TMEM196: variants seen among roughly 807,000 people sequenced by gnomAD.
TMEM196 encodes transmembrane protein 196.
In TMEM196, 17 loss-of-function variants were observed where a neutral mutation model predicts 20.0. That is an observed-to-expected ratio of 0.85 (90% CI 0.58 to 1.27). The LOEUF is 1.27. TMEM196 is among the 50% of genes most tolerant of loss of function. The probability of loss-of-function intolerance (pLI) is 0.00; values close to 1 mark genes in which losing one functional copy is unlikely to be tolerated. For missense variants in TMEM196, 267 were observed against 223.0 expected (o/e 1.20, Z -1.26); for synonymous variants, 113 against 88.9 (o/e 1.27, Z -1.52).
intron 1 of TMEM196, among the ~76,000 whole-genome samples, chr7:19,763,365 T>C (rs1360655801): frequency 6.6e-6 from 1 of 152,122 alleles, no homozygotes; most frequent in African/African-American, 2.4e-5. Flanking sequence ...ATTGGCAGGG[T>C]ACAAATTTAA....
intron 4 of TMEM196, among the ~76,000 whole-genome samples, chr7:19,723,830 G>T (rs943982621): frequency 6.6e-6 from 1 of 152,110 alleles, no homozygotes; most frequent in Non-Finnish European, 1.5e-5. Flanking sequence ...TTTACAAGAA[G>T]AATCTTTTCA....
At chr7:19,767,721 T>G (rs576065062) in intron 1 of TMEM196, among the ~76,000 whole-genome samples, 1 of 152,114 alleles carries the variant, frequency 6.6e-6, no homozygotes, top group South Asian at 2.1e-4. Flanking sequence ...GAGCAGCATT[T>G]TCATCTTATG....
At chr7:19,732,522 G>C (rs572872755) in intron 1 of TMEM196, among the ~76,000 whole-genome samples, 1 of 147,908 alleles carries the variant, frequency 6.8e-6, no homozygotes, top group East Asian at 2.0e-4. Context: ...GCAGTGAGCC[G>C]AGATCGCATC....
intron 1 of TMEM196, among the ~76,000 whole-genome samples, chr7:19,740,606 C>CA (rs1784549979): frequency 6.6e-6 from 1 of 152,042 alleles, no homozygotes; most frequent in African/African-American, 2.4e-5. Flanking sequence ...AAAATACTAA[C>CA]AAAAACTCCC....
At chr7:19,743,368 G>T (rs1340576599) in intron 1 of TMEM196, among the ~76,000 whole-genome samples, 1 of 152,134 alleles carries the variant, frequency 6.6e-6, no homozygotes, top group Non-Finnish European at 1.5e-5. Context: ...TCTTTTCAGA[G>T]ATTCTAGAGC....
intron 1 of TMEM196, among the ~76,000 whole-genome samples, chr7:19,766,595 C>CT (rs1193712411): frequency 6.6e-6 from 1 of 150,810 alleles, no homozygotes; most frequent in Non-Finnish European, 1.5e-5. Context: ...ATATATATAA[C>CT]TTTTTTAATG....
chr7:19,764,121 T>C (rs1242984766), intron 1 of TMEM196, among the ~76,000 whole-genome samples: 1 of 152,218 alleles, frequency 6.6e-6, no homozygotes, highest in Non-Finnish European at 1.5e-5. Context: ...GGAATGACAC[T>C]TGAAAATGTG....
chr7:19,765,499 G>A lies in TMEM196; in HGVS notation c.147+7051C>T, dbSNP rs535010183. On this transcript the variant is annotated intron_variant, in intron 1 of 4. Coordinates refer to ENST00000405844, the MANE Select transcript of TMEM196 (RefSeq NM_001363562.2). ...GCAGTTCAAGTTTCTAAGATATTAAGCATCTTTATTAGATGTGTTAATTTG... is the reference window on the plus strand; with the variant it reads ...GCAGTTCAAGTTTCTAAGATATTAAACATCTTTATTAGATGTGTTAATTTG... 2.6e-5 allele frequency among the ~76,000 whole-genome samples: 4 copies of A among 152,264 alleles called. No individual in the cohort carries two copies. In the South Asian group the frequency reaches 6.2e-4, roughly 24 times the overall value.
At chr7:19,749,096 A>C (rs1313801150) in intron 1 of TMEM196, among the ~76,000 whole-genome samples, 1 of 152,174 alleles carries the variant, frequency 6.6e-6, no homozygotes, top group African/African-American at 2.4e-5. Context: ...TCTACAGTAA[A>C]CTTGTAAAAA....
At chr7:19,758,328 C>T (rs1203535046) in intron 1 of TMEM196, among the ~76,000 whole-genome samples, 1 of 152,134 alleles carries the variant, frequency 6.6e-6, no homozygotes. Context: ...AACTTCCAAA[C>T]AGGTAGAAAC....
intron 1 of TMEM196, among the ~76,000 whole-genome samples, chr7:19,748,696 G>T (rs1784852749): frequency 1.3e-5 from 2 of 152,150 alleles, no homozygotes; most frequent in South Asian, 2.1e-4. Flanking sequence ...ACAAGTAAAA[G>T]AAATGAGTTC....
intron 1 of TMEM196, among the ~76,000 whole-genome samples, chr7:19,755,510 A>T (rs1303914529): frequency 6.6e-6 from 1 of 152,202 alleles, no homozygotes; most frequent in African/African-American, 2.4e-5. Context: ...ATAAAAAGTA[A>T]CAGAGAGACT....
Position 19,725,604 on chromosome 7 carries a change from C to A in TMEM196, c.369G>T (p.Trp123Cys). The A allele has an allele frequency of 1.2e-6, 2 of 1,614,072 alleles. No homozygotes were observed. The highest frequency in any genetic ancestry group is 1.7e-6 in the Non-Finnish European group (2 of 1,179,992). The change falls in exon 3 of 5, where the codon TGG (tryptophan) becomes TGT (cysteine). Residue 123 changes from tryptophan to cysteine, a missense_variant. Coordinates refer to ENST00000405844, the MANE Select transcript of TMEM196 (RefSeq NM_001363562.2). ...CATAACTGGCTAGTCGACAAGTGAG[C>A]CAGGAAGAGAGAGTGCAGCCCCCGA... ...IGIGGCTLSS[W>C]LTCRLASYEQ... is the part of the protein sequence containing the mutation.
At chr7:19,757,950 A>G (rs1472556554) in intron 1 of TMEM196, among the ~76,000 whole-genome samples, 1 of 147,196 alleles carries the variant, frequency 6.8e-6, no homozygotes, top group Non-Finnish European at 1.5e-5. Flanking sequence ...GAATGAAGCC[A>G]TTTTTATATA....
intron 4 of TMEM196, among the ~76,000 whole-genome samples, chr7:19,723,184 T>C (rs886210060): frequency 6.6e-6 from 1 of 152,188 alleles, no homozygotes; most frequent in Admixed American, 6.6e-5. Context: ...GGTTATGTGC[T>C]GGAGTTAAGT....
At chr7:19,732,163 A>G (rs913386600) in intron 1 of TMEM196, among the ~76,000 whole-genome samples, 2 of 152,244 alleles carry the variant, frequency 1.3e-5, no homozygotes, top group African/African-American at 2.4e-5. Context: ...CTCGAAGTTT[A>G]CACGTGGGGA....
chr7:19,749,125 T>C (rs1291803667), intron 1 of TMEM196, among the ~76,000 whole-genome samples: 1 of 152,242 alleles, frequency 6.6e-6, no homozygotes, highest in Non-Finnish European at 1.5e-5. Context: ...ATACTAAGTA[T>C]AATATTTCCA....
chr7:19,724,030 G>A (rs1337239034), intron 4 of TMEM196, among the ~76,000 whole-genome samples: 1 of 152,076 alleles, frequency 6.6e-6, no homozygotes, highest in Non-Finnish European at 1.5e-5. Flanking sequence ...AATCATCCAA[G>A]CAGAAATGTG....
At chr7:19,742,314 C>T (rs548308072) in intron 1 of TMEM196, among the ~76,000 whole-genome samples, 1 of 152,238 alleles carries the variant, frequency 6.6e-6, no homozygotes, top group East Asian at 1.9e-4. Flanking sequence ...AAAACAATGA[C>T]TGGTCTTCGA....
Sources: gnomAD v4.1 joint callset for allele counts (sites outside exome capture counted in the v4.1 genomes callset) on GRCh38, gnomAD v4.1.1 for gene constraint, MANE v1.5 for transcripts, NCBI Gene and HGNC (gene_info 2026-07-23, HGNC 2026-07-21) for gene names.